The following CWC27 variants were observed in gnomAD, a reference collection of about 807,000 sequenced individuals.
The protein encoded by CWC27 is spliceosome-associated protein CWC27 homolog.
In CWC27, 47 loss-of-function variants were observed where a neutral mutation model predicts 63.6. The observed-to-expected ratio is 0.74, with a 90% CI of 0.58 to 0.94. The LOEUF (loss-of-function observed/expected upper bound fraction) is 0.94, where lower values mean the gene tolerates loss of function less well. CWC27 is among the 40% of genes least tolerant of loss of function. The pLI is 0.00. For missense variants in CWC27, 495 were observed against 554.3 expected, an observed-to-expected ratio of 0.89 and a Z score of 1.07; for synonymous variants, 175 against 179.8, an observed-to-expected ratio of 0.97 and a Z score of 0.22.
intron 13 of CWC27, among the ~76,000 whole-genome samples, chr5:64,988,200 C>T (rs896539479): frequency 2.6e-5 from 4 of 152,146 alleles, no homozygotes; most frequent in African/African-American, 9.7e-5. Flanking sequence ...TCTGTCTTCT[C>T]ATTTATTTCA....
At chr5:64,862,561 A>G (rs1014183952) in intron 10 of CWC27, among the ~76,000 whole-genome samples, 1 of 152,204 alleles carries the variant, frequency 6.6e-6, no homozygotes, top group Non-Finnish European at 1.5e-5. Context: ...TAAAATTCAT[A>G]TATGTAATGA....
intron 10 of CWC27, among the ~76,000 whole-genome samples, chr5:64,873,840 C>G (rs1164760292): frequency 1.3e-5 from 2 of 151,982 alleles, no homozygotes; most frequent in African/African-American, 4.8e-5. Context: ...TTTAATCCAT[C>G]TTGAGTTGAT....
intron 13 of CWC27, among the ~76,000 whole-genome samples, chr5:65,008,935 G>A (rs1462360315): frequency 1.3e-5 from 2 of 152,102 alleles, no homozygotes; most frequent in African/African-American, 2.4e-5. Flanking sequence ...CACTTTGAAA[G>A]GGGTATGTAG....
chr5:64,776,181 TAG>T (rs1240521294), intron 2 of CWC27, among the ~76,000 whole-genome samples: 3 of 147,106 alleles, frequency 2.0e-5, no homozygotes, highest in African/African-American at 7.6e-5. Flanking sequence ...AGGAAGGAAA[TAG>T]AGTCAGGTAG....
intron 13 of CWC27, among the ~76,000 whole-genome samples, chr5:64,997,211 GGA>G (rs1217976010): frequency 6.6e-6 from 1 of 152,062 alleles, no homozygotes; most frequent in African/African-American, 2.4e-5. Flanking sequence ...TATGGGATTT[GGA>G]GTCAGACCTG....
At chr5:64,940,740 G>A (rs1464030547) in intron 11 of CWC27, among the ~76,000 whole-genome samples, 2 of 150,618 alleles carry the variant, frequency 1.3e-5, no homozygotes, top group South Asian at 2.1e-4. Flanking sequence ...GTCACAGTCT[G>A]CTTTTACCAT....
intron 11 of CWC27, among the ~76,000 whole-genome samples, chr5:64,970,279 C>T (rs1339467613): frequency 6.7e-6 from 1 of 148,806 alleles, no homozygotes; most frequent in African/African-American, 2.5e-5. Context: ...GTGGCGCGAT[C>T]TCGGCTCACT....
Position 64,919,963 on chromosome 5 carries a change from T to G in CWC27, c.1042+34417T>G, listed in dbSNP as rs1747965189. Among the ~76,000 whole-genome samples the G allele has an allele frequency of 2.0e-5, 3 of 152,348 alleles. No homozygotes were observed. The South Asian group carries it at 6.2e-4, about 32-fold the overall frequency. ...GCTGGGTCAAATTGTAGTTCTGTTT[T>G]AAGTTCTTTGAGAAATCTCCACAAT... is the stretch of plus-strand genomic sequence containing the variant. On this transcript the variant is annotated intron_variant, in intron 11 of 13. Coordinates refer to ENST00000381070, the MANE Select transcript of CWC27 (RefSeq NM_005869.4).
intron 10 of CWC27, among the ~76,000 whole-genome samples, chr5:64,854,936 TC>T (rs1213165454): frequency 2.6e-5 from 4 of 152,148 alleles, no homozygotes; most frequent in African/African-American, 9.7e-5. Flanking sequence ...GTTTTGAAGT[TC>T]TTTTTTGAAA....
chr5:64,804,679 G>T, intron 10 of CWC27: 1 of 217,858 alleles, frequency 4.6e-6, no homozygotes, highest in Non-Finnish European at 9.0e-6. Context: ...GCTAGATGTG[G>T]AAGAATGCAT....
Position 64,800,264 on chromosome 5 carries a change from G to A in CWC27, c.686G>A (p.Ser229Asn). Reference sequence around the variant, plus strand: ...TCTTTGCAGAGCATGAAGGGCAAAAGCAAAAGTAGTCATGACTTGCTTAAG... The same window carrying A: ...TCTTTGCAGAGCATGAAGGGCAAAAACAAAAGTAGTCATGACTTGCTTAAG... ...NRVSQSMKGK[S>N]KSSHDLLKDD... The change falls in exon 8 of 14, where the codon AGC (serine) becomes AAC (asparagine). Residue 229 changes from serine to asparagine, a missense_variant. Ser to Asn is a conservative substitution (Grantham distance 46). Around this residue, in one of 3 missense-constraint regions of CWC27, gnomAD observed 463 missense variants for 498.1 expected, o/e 0.93. Coordinates refer to ENST00000381070, the MANE Select transcript of CWC27 (RefSeq NM_005869.4). The A allele has an allele frequency of 6.2e-7, 1 of 1,611,692 alleles. No homozygotes were observed. The highest frequency in any genetic ancestry group is 1.1e-5 in the South Asian group (1 of 90,866).
chr5:64,944,153 AT>A (rs1384050758), intron 11 of CWC27, among the ~76,000 whole-genome samples: 1 of 151,726 alleles, frequency 6.6e-6, no homozygotes, highest in African/African-American at 2.4e-5. Flanking sequence ...CTCTTTCATC[AT>A]TATGAAAGCA....
At chr5:64,849,338 G>A (rs925398561) in intron 10 of CWC27, among the ~76,000 whole-genome samples, 1 of 152,042 alleles carries the variant, frequency 6.6e-6, no homozygotes, top group African/African-American at 2.4e-5. Context: ...GAAATGGAAA[G>A]ATATCACATG....
chr5:64,827,076 G>C (rs1745382468), intron 10 of CWC27, among the ~76,000 whole-genome samples: 1 of 151,944 alleles, frequency 6.6e-6, no homozygotes, highest in African/African-American at 2.4e-5. Flanking sequence ...AAAGAAAATA[G>C]AAAGTTAACA....
chr5:64,853,854 T>C (rs1746194222), intron 10 of CWC27, among the ~76,000 whole-genome samples: 1 of 152,214 alleles, frequency 6.6e-6, no homozygotes, highest in African/African-American at 2.4e-5. Flanking sequence ...ATCCAAACTA[T>C]ATCAACGGTT....
At chr5:64,994,595 C>G (rs1749596497) in intron 13 of CWC27, among the ~76,000 whole-genome samples, 1 of 152,102 alleles carries the variant, frequency 6.6e-6, no homozygotes, top group Non-Finnish European at 1.5e-5. Flanking sequence ...ACCATCAAAA[C>G]AATGTGTAAA....
chr5:64,853,367 T>C (rs1746181821), intron 10 of CWC27, among the ~76,000 whole-genome samples: 1 of 152,362 alleles, frequency 6.6e-6, no homozygotes, highest in Admixed American at 6.5e-5. Flanking sequence ...ATTCTCTTCA[T>C]ATTTATTGAG....
At chr5:64,778,334 T>C (rs902605097) in intron 2 of CWC27, among the ~76,000 whole-genome samples, 2 of 152,142 alleles carry the variant, frequency 1.3e-5, no homozygotes, top group African/African-American at 2.4e-5. Flanking sequence ...TCACTCCCCC[T>C]CTCTCTCCAG....
chr5:64,814,423 T>C (rs1057478421), intron 10 of CWC27, among the ~76,000 whole-genome samples: 1 of 152,112 alleles, frequency 6.6e-6, no homozygotes, highest in Non-Finnish European at 1.5e-5. Context: ...GGCTAGGAAA[T>C]TGTTCTGTTA....
Sources: allele counts gnomAD v4.1 joint callset (sites outside exome capture counted in the v4.1 genomes callset), GRCh38; gene constraint gnomAD v4.1.1; regional missense constraint gnomAD v4.1.1; transcripts MANE v1.5; gene names NCBI Gene and HGNC (gene_info 2026-07-23, HGNC 2026-07-21).